ANO10: variants seen among roughly 807,000 people sequenced by gnomAD.
ANO10 encodes the protein anoctamin 10.
Under a neutral mutation model 74.7 loss-of-function variants are expected in ANO10, and 77 were observed. The observed-to-expected ratio is 1.03, with a 90% CI of 0.86 to 1.25. The LOEUF (loss-of-function observed/expected upper bound fraction) is 1.25. Among genes scored for constraint, ANO10 ranks in the 50% most tolerant of loss-of-function variants. ANO10 has a pLI of 0.00. For missense variants in ANO10, 721 were observed against 778.1 expected (o/e 0.93, Z 0.87); for synonymous variants, 279 against 284.9 (o/e 0.98, Z 0.21).
chr3:43,510,933 A>G (rs923653397), intron 11 of ANO10, among the ~76,000 whole-genome samples: 13 of 152,190 alleles, frequency 8.5e-5, no homozygotes, highest in Non-Finnish European at 1.3e-4. Context: ...GGACACAATC[A>G]TATTTAGTTT....
rs566305027 is a variant in ANO10 at position 43,389,062 on chromosome 3, G to A, written c.1915-22088C>T. On this transcript the variant is annotated intron_variant, in intron 12 of 12. Transcript: ENST00000292246. Reference sequence around the variant, plus strand: ...AAGGGAGATCACAGTCACAGATTAGGTTAAACTGTTAGCTAGCATGATCCT... The same window carrying A: ...AAGGGAGATCACAGTCACAGATTAGATTAAACTGTTAGCTAGCATGATCCT... 4.6e-5 allele frequency among the ~76,000 whole-genome samples: 7 copies of A among 152,320 alleles called. No individual in the cohort carries two copies. In the East Asian group the frequency reaches 1.3e-3, roughly 29 times the overall value.
chr3:43,658,791 T>C (rs1371873637), intron 1 of ANO10, among the ~76,000 whole-genome samples: 3 of 152,094 alleles, frequency 2.0e-5, no homozygotes, highest in African/African-American at 7.2e-5. Flanking sequence ...TATGAATCTT[T>C]ATGTAAGGTT....
At chr3:43,544,717 C>T (rs893240429) in intron 11 of ANO10, among the ~76,000 whole-genome samples, 1 of 151,298 alleles carries the variant, frequency 6.6e-6, no homozygotes, top group Non-Finnish European at 1.5e-5. Context: ...TGCTTGAACC[C>T]AGGAGGCAGA....
intron 7 of ANO10, among the ~76,000 whole-genome samples, chr3:43,566,884 T>C (rs1176329564): frequency 6.6e-6 from 1 of 152,192 alleles, no homozygotes; most frequent in Non-Finnish European, 1.5e-5. Flanking sequence ...CAAATTACTC[T>C]GAGCTACGGG....
At chr3:43,468,000 C>CTTA (rs1372182718) in intron 11 of ANO10, among the ~76,000 whole-genome samples, 1 of 152,142 alleles carries the variant, frequency 6.6e-6, no homozygotes, top group African/African-American at 2.4e-5. Flanking sequence ...TAGCATTGAG[C>CTTA]ATAAGTACTC....
intron 1 of ANO10, among the ~76,000 whole-genome samples, chr3:43,687,240 A>G (rs1372043329): frequency 6.6e-6 from 1 of 152,244 alleles, no homozygotes; most frequent in Non-Finnish European, 1.5e-5. Context: ...CGGCCTGGGC[A>G]ACACAGTGAG....
intron 1 of ANO10, among the ~76,000 whole-genome samples, chr3:43,613,524 T>G (rs1240574852): frequency 6.6e-6 from 1 of 152,242 alleles, no homozygotes; most frequent in Non-Finnish European, 1.5e-5. Flanking sequence ...AGTTTACATC[T>G]GATCCAATGG....
At chr3:43,453,086 T>C (rs1408021834) in intron 11 of ANO10, among the ~76,000 whole-genome samples, 1 of 152,180 alleles carries the variant, frequency 6.6e-6, no homozygotes, top group African/African-American at 2.4e-5. Context: ...TTCTCAGATA[T>C]GTGATTTGCA....
At chr3:43,553,103 T>TA (rs2079560874) in intron 10 of ANO10, among the ~76,000 whole-genome samples, 1 of 152,126 alleles carries the variant, frequency 6.6e-6, no homozygotes, top group African/African-American at 2.4e-5. Context: ...CAGGATTCTA[T>TA]ATTGACAATA....
intron 12 of ANO10, among the ~76,000 whole-genome samples, chr3:43,378,494 C>A (rs1276969346): frequency 6.6e-6 from 1 of 152,198 alleles, no homozygotes; most frequent in Non-Finnish European, 1.5e-5. Context: ...CAGTTTTCCC[C>A]ACATCTGAAC....
At chr3:43,575,456 G>A (rs1225376815) in intron 6 of ANO10, among the ~76,000 whole-genome samples, 1 of 152,054 alleles carries the variant, frequency 6.6e-6, no homozygotes, top group African/African-American at 2.4e-5. Context: ...GCCTAACCTT[G>A]GGTAAGTTAC....
intron 12 of ANO10, among the ~76,000 whole-genome samples, chr3:43,427,318 T>A (rs1013801418): frequency 5.3e-5 from 8 of 151,764 alleles, no homozygotes; most frequent in African/African-American, 1.7e-4. Flanking sequence ...AGGAGCATTT[T>A]AAAAAAAATG....
rs1315699224 is a variant in ANO10 at position 43,580,469 on chromosome 3, C to T, written c.476G>A (p.Arg159Lys). 8 of 1,613,660 alleles carry T rather than the reference C, an allele frequency of 5.0e-6. No homozygotes were observed. Among genetic ancestry groups the T allele is most frequent in the Non-Finnish European group, 6.8e-6 (8 of 1,179,914 alleles). ...AKLYPGKSLL[R>K]RLLTSGIVIQ... is the part of the protein sequence containing the mutation. The stretch of plus-strand genomic sequence containing the variant: ...CACGATGCCAGACGTGAGCAATCTT[C>T]TCACTGCACAGGGAAAATGTGCCAA... The change falls in exon 5 of 13, where the codon AGA becomes AAA. Residue 159 changes from arginine (R) to lysine (K), a missense_variant. Coordinates refer to ENST00000292246, the MANE Select transcript of ANO10 (RefSeq NM_018075.5).
chr3:43,431,493 G>A (rs1309400676), intron 12 of ANO10, among the ~76,000 whole-genome samples: 1 of 151,942 alleles, frequency 6.6e-6, no homozygotes, highest in Non-Finnish European at 1.5e-5. Context: ...TGATGATGAT[G>A]GATTTTCTGC....
intron 11 of ANO10, among the ~76,000 whole-genome samples, chr3:43,548,922 T>C (rs2079323559): frequency 6.6e-6 from 1 of 152,234 alleles, no homozygotes; most frequent in South Asian, 2.1e-4. Flanking sequence ...TGAAATTATC[T>C]ATCGTCCTAC....
chr3:43,674,821 C>G (rs550381403), intron 1 of ANO10, among the ~76,000 whole-genome samples: 1 of 152,256 alleles, frequency 6.6e-6, no homozygotes, highest in South Asian at 2.1e-4. Flanking sequence ...CTTTTATGTC[C>G]CTGCCTCTAT....
At chr3:43,659,043 G>T (rs2149572040) in intron 1 of ANO10, among the ~76,000 whole-genome samples, 1 of 152,292 alleles carries the variant, frequency 6.6e-6, no homozygotes, top group South Asian at 2.1e-4. Flanking sequence ...AGGGGAAAAG[G>T]CAGTATCTTC....
intron 1 of ANO10, among the ~76,000 whole-genome samples, chr3:43,606,635 G>A (rs192525425): frequency 7.5e-4 from 114 of 151,172 alleles, no homozygotes; most frequent in African/African-American, 2.5e-3. Context: ...CAACTGGACT[G>A]AATATAACTA....
At chr3:43,511,277 A>G (rs919680519) in intron 11 of ANO10, among the ~76,000 whole-genome samples, 1 of 152,116 alleles carries the variant, frequency 6.6e-6, no homozygotes, top group African/African-American at 2.4e-5. Context: ...CACAAATTAG[A>G]TTTTTTTAAA....
Sources: gnomAD v4.1 joint callset for allele counts (sites outside exome capture counted in the v4.1 genomes callset) on GRCh38, gnomAD v4.1.1 for gene constraint, MANE v1.5 for transcripts, NCBI Gene and HGNC (gene_info 2026-07-23, HGNC 2026-07-21) for gene names.